Variants in NETO1 observed in about 807,000 individuals in gnomAD.
NETO1 encodes neuropilin and tolloid-like protein 1.
Under a neutral mutation model 61.3 loss-of-function variants are expected in NETO1, and 26 were observed. The ratio of observed to expected loss-of-function variants is 0.42; its 90% confidence interval spans 0.31 to 0.59. The LOEUF is 0.59. Among genes scored for constraint, NETO1 ranks in the 20% least tolerant of loss-of-function variants. NETO1 has a pLI of 0.12. For missense variants in NETO1, 531 were observed against 662.8 expected, an observed-to-expected ratio of 0.80 and a Z score of 2.18; for synonymous variants, 225 against 225.8, an observed-to-expected ratio of 1.00 and a Z score of 0.03.
intron 4 of NETO1, among the ~76,000 whole-genome samples, chr18:72,858,142 T>A (rs2187115): frequency 0.97 from 148,238 of 152,266 alleles, 72,202 homozygotes; most frequent in East Asian, 1. Context: ...AAATGTGATA[T>A]CCTATTTTTA....
At chr18:72,801,822 AAAG>A (rs2072517627) in intron 4 of NETO1, among the ~76,000 whole-genome samples, 1 of 152,212 alleles carries the variant, frequency 6.6e-6, no homozygotes, top group Admixed American at 6.5e-5. Flanking sequence ...CTCTTAAATA[AAAG>A]AAAATATAGT....
chr18:72,833,659 T>C (rs1037066323), intron 4 of NETO1, among the ~76,000 whole-genome samples: 1 of 152,154 alleles, frequency 6.6e-6, no homozygotes, highest in Non-Finnish European at 1.5e-5. Flanking sequence ...TCTCCTATTA[T>C]CTCAGGTTCT....
chr18:72,862,697 T>G (rs1216239348), intron 3 of NETO1, among the ~76,000 whole-genome samples: 6 of 148,450 alleles, frequency 4.0e-5, no homozygotes, highest in Non-Finnish European at 5.9e-5. Flanking sequence ...CTCGGCTCAC[T>G]GCAAGCTCCG....
At chr18:72,779,698 A>G (rs1389750650) in intron 7 of NETO1, among the ~76,000 whole-genome samples, 1 of 152,202 alleles carries the variant, frequency 6.6e-6, no homozygotes, top group Non-Finnish European at 1.5e-5. Flanking sequence ...AGGTATAAAT[A>G]ATGGTAGAAT....
At chr18:72,825,042 C>T (rs1389706290) in intron 4 of NETO1, among the ~76,000 whole-genome samples, 2 of 152,006 alleles carry the variant, frequency 1.3e-5, no homozygotes, top group African/African-American at 2.4e-5. Context: ...AAATCAACCA[C>T]CATAGACAAG....
intron 3 of NETO1, among the ~76,000 whole-genome samples, chr18:72,860,888 TATC>T (rs1473497533): frequency 6.6e-6 from 1 of 152,204 alleles, no homozygotes; most frequent in Non-Finnish European, 1.5e-5. Flanking sequence ...TTGCATACAT[TATC>T]ATCCTATAGT....
intron 7 of NETO1, among the ~76,000 whole-genome samples, chr18:72,766,782 T>TAA (rs35257342): frequency 0.3 from 45,418 of 151,964 alleles, 7,981 homozygotes; most frequent in South Asian, 0.41. Flanking sequence ...ATTCCATATA[T>TAA]AAAAAATCTT....
intron 7 of NETO1, among the ~76,000 whole-genome samples, chr18:72,775,696 C>A (rs1481115425): frequency 6.6e-6 from 1 of 152,120 alleles, no homozygotes; most frequent in Non-Finnish European, 1.5e-5. Context: ...AGCATTCGAG[C>A]TCTGTCTCAG....
chr18:72,802,576 C>A (rs2072544318), intron 4 of NETO1, among the ~76,000 whole-genome samples: 1 of 152,336 alleles, frequency 6.6e-6, no homozygotes, highest in South Asian at 2.1e-4. Flanking sequence ...TATGTGAATG[C>A]TTGACAACAA....
chr18:72,792,275 T>C (rs574475589), intron 6 of NETO1, among the ~76,000 whole-genome samples: 82 of 152,026 alleles, frequency 5.4e-4, no homozygotes, highest in African/African-American at 1.7e-3. Flanking sequence ...CTAATAAAAA[T>C]ACAAAAAAAG....
chr18:72,838,250 C>G (rs905066322), intron 4 of NETO1, among the ~76,000 whole-genome samples: 3 of 152,198 alleles, frequency 2.0e-5, no homozygotes, highest in Non-Finnish European at 4.4e-5. Flanking sequence ...GTGGTTAACT[C>G]TAGGCTTCAG....
At chr18:72,825,462 A>G (rs1163066104) in intron 4 of NETO1, among the ~76,000 whole-genome samples, 1 of 151,932 alleles carries the variant, frequency 6.6e-6, no homozygotes, top group East Asian at 1.9e-4. Context: ...TTTTGGATCA[A>G]TTTTTATTAA....
intron 4 of NETO1, among the ~76,000 whole-genome samples, chr18:72,815,466 GACAAC>G (rs987211994): frequency 6.6e-6 from 1 of 151,864 alleles, no homozygotes; most frequent in Non-Finnish European, 1.5e-5. Flanking sequence ...ACAAAAGAAA[GACAAC>G]ACAACATAAG....
In NETO1 at chr18:72,746,533, G is replaced by A. The variant is rs1451508587; in HGVS notation, c.*1646C>T. ...TTTTTCAAGATAGAGTGTTTATAAT[G>A]GCTATGATAACTCTTTGACTTTTCT... On this transcript the variant is annotated 3_prime_UTR_variant, in exon 11 of 11. Coordinates refer to ENST00000327305, the MANE Select transcript of NETO1 (RefSeq NM_138966.5). 1.3e-5 allele frequency among the ~76,000 whole-genome samples: 2 copies of A among 151,822 alleles called. No individual in the cohort carries two copies. Among genetic ancestry groups the A allele is most frequent in the South Asian group, 2.1e-4 (1 of 4,820 alleles).
intron 4 of NETO1, among the ~76,000 whole-genome samples, chr18:72,849,703 C>T (rs1042304969): frequency 9.2e-5 from 14 of 152,104 alleles, no homozygotes; most frequent in African/African-American, 3.4e-4. Flanking sequence ...CAACTTAGAA[C>T]CTTAATAAAC....
intron 4 of NETO1, among the ~76,000 whole-genome samples, chr18:72,810,138 T>C (rs1260206587): frequency 6.6e-6 from 1 of 152,238 alleles, no homozygotes; most frequent in Non-Finnish European, 1.5e-5. Flanking sequence ...CAATATCAAG[T>C]AATCTTGGTC....
rs967530636 is a variant in NETO1, at chr18:72,746,107, G to A, written c.*2072C>T. On this transcript the variant is annotated 3_prime_UTR_variant, in exon 11 of 11. Coordinates refer to ENST00000327305, the MANE Select transcript of NETO1 (RefSeq NM_138966.5). ...AGAAACTGGAGGGGACGGACATGCC[G>A]GACAGTTATAGAACAAATTAATAGT... is the stretch of plus-strand genomic sequence containing the variant. 3 of 151,830 alleles carry A rather than the reference G, an allele frequency of 2.0e-5. No individual in the cohort carries two copies. Among genetic ancestry groups the A allele is most frequent in the Admixed American group, 6.6e-5 (1 of 15,210 alleles). 9.4% of individuals were successfully genotyped at this position (151,830 alleles called of 1,614,324 possible).
At chr18:72,835,266 A>G (rs370607213) in intron 4 of NETO1, 4 of 1,566,706 alleles carry the variant, frequency 2.6e-6, no homozygotes, top group South Asian at 1.2e-5. Flanking sequence ...GATGATGGAG[A>G]AGGAGAGATC....
At chr18:72,846,532 A>AAAAAAAAAAC (rs2074093018) in intron 4 of NETO1, among the ~76,000 whole-genome samples, 1 of 149,400 alleles carries the variant, frequency 6.7e-6, no homozygotes, top group Non-Finnish European at 1.5e-5. Context: ...AAAAAAAAAA[A>AAAAAAAAAAC]AAGAAGATGC....
Sources: gnomAD v4.1 joint callset for allele counts (sites outside exome capture counted in the v4.1 genomes callset) on GRCh38, gnomAD v4.1.1 for gene constraint, MANE v1.5 for transcripts, NCBI Gene and HGNC (gene_info 2026-07-23, HGNC 2026-07-21) for gene names.